The following PSMD11 variants were observed in gnomAD, a reference collection of about 807,000 sequenced individuals.
The protein encoded by PSMD11 is proteasome 26S subunit, non-ATPase 11.
Under a neutral mutation model 62.3 loss-of-function variants are expected in PSMD11, and 5 were observed. That is an observed-to-expected ratio of 0.08 (90% CI 0.04 to 0.17). The LOEUF (loss-of-function observed/expected upper bound fraction) is 0.17. Among genes scored for constraint, PSMD11 ranks in the 10% least tolerant of loss-of-function variants. The pLI is 1.00. For synonymous variants in PSMD11, 191 were observed against 191.8 expected (o/e 1.00, Z 0.03); for missense variants, 310 against 512.9 (o/e 0.60, Z 3.82).
chr17:32,480,085 G>A, intron 11 of PSMD11, 61 bp from the exon 12 acceptor site: 4 of 1,566,564 alleles, frequency 2.6e-6, no homozygotes, highest in Admixed American at 3.3e-5. Context: ...CAAAGCTACT[G>A]TGTCAGGGTG....
At chr17:32,467,811 T>G (rs1908041574) in intron 5 of PSMD11, among the ~76,000 whole-genome samples, 1 of 152,142 alleles carries the variant, frequency 6.6e-6, no homozygotes, top group Admixed American at 6.6e-5. Flanking sequence ...GTTCTTTTCT[T>G]TTTTTTAAGT....
chr17:32,458,274 C>G (rs1335297028), intron 3 of PSMD11, among the ~76,000 whole-genome samples: 2 of 152,148 alleles, frequency 1.3e-5, no homozygotes, highest in Non-Finnish European at 2.9e-5. Flanking sequence ...CCATTGCCTG[C>G]AGAATTAGAT....
rs1040996270 is a variant in PSMD11, at chr17:32,469,304, G to C, written c.643+111G>C. On this transcript the variant is annotated intron_variant, in intron 6 of 13. Coordinates refer to ENST00000261712, the MANE Select transcript of PSMD11 (RefSeq NM_002815.4). The stretch of plus-strand genomic sequence containing the variant: ...AATAAAATTGGCTGATTTGGCTCTA[G>C]CTTCTTCAGAGAACCAGTTAGAAAG... 6 of 1,163,410 alleles carry C rather than the reference G, an allele frequency of 5.2e-6. No homozygotes were observed. The African/African-American group carries it at 9.4e-5, about 18-fold the overall frequency. 72.1% of individuals were successfully genotyped at this position (1,163,410 alleles called of 1,614,324 possible).
At chr17:32,469,632 G>A (rs1011775447) in intron 6 of PSMD11, among the ~76,000 whole-genome samples, 7 of 152,088 alleles carry the variant, frequency 4.6e-5, no homozygotes, top group Admixed American at 2.6e-4. Context: ...GTAGTTTTCC[G>A]ATGGAGTGCG....
intron 8 of PSMD11, among the ~76,000 whole-genome samples, chr17:32,476,167 C>T (rs2150839565): frequency 6.6e-6 from 1 of 152,208 alleles, no homozygotes; most frequent in East Asian, 1.9e-4. Flanking sequence ...ACTCAGGAGG[C>T]TGAGGCAGGA....
At chr17:32,459,494 T>A (rs527910129) in intron 3 of PSMD11, among the ~76,000 whole-genome samples, 1 of 152,206 alleles carries the variant, frequency 6.6e-6, no homozygotes, top group South Asian at 2.1e-4. Flanking sequence ...GGACTCGGCC[T>A]CCCAAAGTGC....
chr17:32,460,837 T>A (rs1479122765), intron 3 of PSMD11, among the ~76,000 whole-genome samples: 2 of 151,634 alleles, frequency 1.3e-5, no homozygotes, highest in Non-Finnish European at 2.9e-5. Context: ...CAGGTTATGA[T>A]CTGTTCATTT....
In PSMD11 at chr17:32,468,170, A is replaced by G. The variant is rs139761581; in HGVS notation, c.449-829A>G. ...GGCTGCATAGTATTCTGTGGTGTAT[A>G]TGTACATTTTCTTTATTCAGTCTGC... On this transcript the variant is annotated intron_variant, in intron 5 of 13. Transcript: ENST00000261712. Among the ~76,000 whole-genome samples, 686 of 152,122 alleles carry G rather than the reference A, an allele frequency of 4.5e-3. 9 individuals carry two copies. The highest frequency in any genetic ancestry group is 4.1e-3 in the Non-Finnish European group (278 of 67,996).
At position 32,473,151 on chromosome 17, in the gene PSMD11, C is replaced by T. The variant is rs566409211; in HGVS notation, c.644-650C>T. 5.4e-5 allele frequency among the ~76,000 whole-genome samples: 8 copies of T among 149,440 alleles called. No individual in the cohort carries two copies. The East Asian group carries it at 6.0e-4, about 11-fold the overall frequency. Reference sequence around the variant, plus strand: ...CCAGCCTCAGTGACAGAGTGAGACTCGGCTCAAAAAAAAAAATAAAGAGAC... The same window carrying T: ...CCAGCCTCAGTGACAGAGTGAGACTTGGCTCAAAAAAAAAAATAAAGAGAC... On this transcript the variant is annotated intron_variant, in intron 6 of 13. Coordinates refer to ENST00000261712, the MANE Select transcript of PSMD11 (RefSeq NM_002815.4).
chr17:32,444,568 A>C lies in PSMD11; in HGVS notation c.45A>C (p.Leu15=), dbSNP rs201788002. The C allele has an allele frequency of 1.2e-6, 2 of 1,611,562 alleles. No homozygotes were observed. The highest frequency in any genetic ancestry group is 2.2e-5 in the East Asian group (1 of 44,664). Residue 15 remains leucine, a synonymous_variant, in exon 1 of 14, where the codon CTA becomes CTC. Transcript: ENST00000261712. The part of the protein sequence containing the change: ...AVVEFQRAQS[L]LSTDREASID... Reference sequence around the variant, plus strand: ...TGGAGTTCCAGAGAGCCCAGTCTCTACTCAGCACCGACCGGGAGGCCTCCA... The same window carrying C: ...TGGAGTTCCAGAGAGCCCAGTCTCTCCTCAGCACCGACCGGGAGGCCTCCA...
chr17:32,464,530 G>A lies in PSMD11; in HGVS notation c.400G>A (p.Val134Met), dbSNP rs765324158. 1.2e-6 allele frequency: 2 copies of A among 1,605,892 alleles called. No individual in the cohort carries two copies. Among genetic ancestry groups the A allele is most frequent in the Admixed American group, 1.7e-5 (1 of 59,024 alleles). The part of the protein sequence containing the change: ...FLRQALEARL[V>M]SLYFDTKRYQ... ...CTTTTCTCTTTCCTAGGCAAGACTG[G>A]TGTCTTTGTACTTTGATACCAAGAG... Residue 134 changes from valine (V) to methionine (M), a missense_variant, in exon 5 of 14, where the codon GTG becomes ATG. Physicochemically the swap from Val to Met is conservative, Grantham distance 21 (BLOSUM62 1). This residue lies in a region of PSMD11 where 47 missense variants were observed against 59.0 expected (regional missense o/e 0.80). Coordinates refer to ENST00000261712, the MANE Select transcript of PSMD11 (RefSeq NM_002815.4).
chr17:32,479,826 G>T, intron 10 of PSMD11, 25 bp from the exon 11 acceptor site: 2 of 1,610,800 alleles, frequency 1.2e-6, no homozygotes, highest in Non-Finnish European at 1.7e-6. Flanking sequence ...TTTCAGTGTT[G>T]GTGTCTCTCT....
intron 1 of PSMD11, among the ~76,000 whole-genome samples, chr17:32,446,567 C>T (rs1277094438): frequency 6.6e-6 from 1 of 152,182 alleles, no homozygotes; most frequent in African/African-American, 2.4e-5. Context: ...TGTTTAATAT[C>T]TTCCCATAAA....
Position 32,482,584 on chromosome 17 carries a change from A to C in PSMD11, c.*1832A>C, listed in dbSNP as rs2150842314. The C allele has an allele frequency of 6.6e-6, 1 of 152,384 alleles. No individual in the cohort carries two copies. The highest frequency in any genetic ancestry group is 2.1e-4 in the South Asian group (1 of 4,822). The allele number at this position is 152,384 out of a possible 1,614,324, so 9.4% of individuals were successfully genotyped here. ...GAGTTCTGAGGTTGGAAATGAGTTC[A>C]GGTGTCTTCTTCCAGGGCAGCATGG... On this transcript the variant is annotated 3_prime_UTR_variant, in exon 14 of 14. Transcript: ENST00000261712.
intron 5 of PSMD11, among the ~76,000 whole-genome samples, chr17:32,467,685 C>T (rs998804035): frequency 6.6e-6 from 1 of 152,170 alleles, no homozygotes; most frequent in Non-Finnish European, 1.5e-5. Flanking sequence ...AGTCATAGCT[C>T]ACTGCAGCCT....
intron 5 of PSMD11, among the ~76,000 whole-genome samples, chr17:32,465,872 G>T (rs1907977644): frequency 6.6e-6 from 1 of 152,144 alleles, no homozygotes; most frequent in Admixed American, 6.5e-5. Context: ...CTACTTGTTA[G>T]GCTGAGGCAG....
chr17:32,463,393 A>G (rs1422080201), intron 3 of PSMD11: 1 of 152,124 alleles, frequency 6.6e-6, no homozygotes, highest in Non-Finnish European at 1.5e-5. Context: ...GTCAAAGTGC[A>G]GTAGTGAGAA....
intron 6 of PSMD11, among the ~76,000 whole-genome samples, chr17:32,471,168 T>C (rs1338026322): frequency 6.6e-6 from 1 of 152,218 alleles, no homozygotes; most frequent in Non-Finnish European, 1.5e-5. Context: ...TTAGAGCTAA[T>C]ATACACAAAT....
At chr17:32,479,907 C>T in intron 11 of PSMD11, 21 bp downstream of exon 11, 1 of 1,610,606 alleles carries the variant, frequency 6.2e-7, no homozygotes, top group South Asian at 1.1e-5. Context: ...TTAAGGCCAT[C>T]TGCAGGGAGG....
Sources: allele counts gnomAD v4.1 joint callset (sites outside exome capture counted in the v4.1 genomes callset), GRCh38; gene constraint gnomAD v4.1.1; regional missense constraint gnomAD v4.1.1; transcripts MANE v1.5; gene names NCBI Gene and HGNC (gene_info 2026-07-23, HGNC 2026-07-21).